Variants in UBE2T observed in about 807,000 individuals in gnomAD.
UBE2T encodes ubiquitin conjugating enzyme E2 T.
Under a neutral mutation model 23.3 loss-of-function variants are expected in UBE2T, and 15 were observed. The observed-to-expected ratio is 0.64, with a 90% CI of 0.43 to 0.99. The LOEUF (loss-of-function observed/expected upper bound fraction) is 0.99. UBE2T is among the 50% of genes least tolerant of loss of function. The pLI is 0.00. For missense variants in UBE2T, 197 were observed against 234.9 expected, an observed-to-expected ratio of 0.84 and a Z score of 1.05; for synonymous variants, 67 against 78.4, an observed-to-expected ratio of 0.85 and a Z score of 0.77.
chr1:202,337,244 A>G (rs1358402868), intron 1 of UBE2T, among the ~76,000 whole-genome samples: 1 of 152,020 alleles, frequency 6.6e-6, no homozygotes, highest in Non-Finnish European at 1.5e-5. Flanking sequence ...CCCAGCCAAC[A>G]CCAATCCTTT....
At position 202,341,910 on chromosome 1, in the gene UBE2T, T is replaced by G. The variant is rs1050861847; in HGVS notation, c.-80A>C. On this transcript the variant is annotated 5_prime_UTR_variant, in exon 1 of 7. Coordinates refer to ENST00000646651, the MANE Select transcript of UBE2T (RefSeq NM_014176.4). ...CCTTGCTTACCTGAGCTGACACCCC[T>G]CACAACGCAGCAACGCGCGGACCAA... is the stretch of plus-strand genomic sequence containing the variant. The G allele has an allele frequency of 1.3e-5, 2 of 152,268 alleles. No individual in the cohort carries two copies. The highest frequency in any genetic ancestry group is 6.5e-5 in the Admixed American group (1 of 15,284). 9.4% of individuals were successfully genotyped at this position (152,268 alleles called of 1,614,324 possible). A position where few individuals can be genotyped will look rare whatever the true frequency, so the allele number is the denominator to read the frequency against.
In UBE2T at chr1:202,331,792, T is replaced by G. The variant is rs756900452; in HGVS notation, c.*43A>C. On this transcript the variant is annotated 3_prime_UTR_variant, in exon 7 of 7. Transcript: ENST00000646651. ...TTCAAGGTAGGCAACTTAGATCACCTTGGCAAAGAACACATTAACTAAGAT... is the reference window on the plus strand; with the variant it reads ...TTCAAGGTAGGCAACTTAGATCACCGTGGCAAAGAACACATTAACTAAGAT... 1 of 1,608,828 alleles carries G rather than the reference T, an allele frequency of 6.2e-7. No homozygotes were observed. Among genetic ancestry groups the G allele is most frequent in the South Asian group, 1.1e-5 (1 of 90,366 alleles).
In UBE2T at chr1:202,335,598, T is replaced by G; in HGVS notation, c.109+48A>C. 1 of 1,566,774 alleles carries G rather than the reference T, an allele frequency of 6.4e-7. No homozygotes were observed. On this transcript the variant is annotated intron_variant, in intron 2 of 6. Transcript: ENST00000646651. This position sits in a 1 kb window ranked among gnomAD's most constrained non-coding sequence, Gnocchi z 4.0. Reference sequence around the variant, plus strand: ...CACAAAATGTTTTATTTCAGCACAATCTTCAATAGGGTCATGACTTTCATC... The same window carrying G: ...CACAAAATGTTTTATTTCAGCACAAGCTTCAATAGGGTCATGACTTTCATC...
chr1:202,335,378 G>T lies in UBE2T; in HGVS notation c.109+268C>A, dbSNP rs1654857555. The stretch of plus-strand genomic sequence containing the variant: ...TGTATGTTTCCCATCTGGCCTCACA[G>T]ATATTTGAGATGGTTATCTTTGATC... On this transcript the variant is annotated intron_variant, in intron 2 of 6. Transcript: ENST00000646651. This position sits in a 1 kb window ranked among gnomAD's most constrained non-coding sequence, Gnocchi z 4.0. 3.7e-6 allele frequency: 2 copies of T among 536,832 alleles called. No homozygotes were observed. Among genetic ancestry groups the T allele is most frequent in the Non-Finnish European group, 6.6e-6 (2 of 301,446 alleles). The allele number at this position is 536,832 out of a possible 1,614,324, so 33.3% of individuals were successfully genotyped here.
At position 202,331,724 on chromosome 1, in the gene UBE2T, AAACTACACAAAAATTATGTCATC is replaced by A; in HGVS notation, c.*88_*110del. 1 of 1,343,620 alleles carries A rather than the reference AAACTACACAAAAATTATGTCATC, an allele frequency of 7.4e-7. No homozygotes were observed. The allele number at this position is 1,343,620 out of a possible 1,614,324, so 83.2% of individuals were successfully genotyped here. Reference sequence around the variant, plus strand: ...CAAAATACATATGTACAAGATAAATAAACTACACAAAAATTATGTCATCAAATATATTTAAAAAAAAATTCAAG... The same window carrying A: ...CAAAATACATATGTACAAGATAAATAAAATATATTTAAAAAAAAATTCAAG... On this transcript the variant is annotated 3_prime_UTR_variant, in exon 7 of 7. Transcript: ENST00000646651.
At chr1:202,333,742 C>T (rs1452097625) in intron 3 of UBE2T, among the ~76,000 whole-genome samples, 187 bp from the exon 4 acceptor site, 1 of 152,152 alleles carries the variant, frequency 6.6e-6, no homozygotes, top group Non-Finnish European at 1.5e-5. Flanking sequence ...TTTGAAATAA[C>T]AGTATTGAAA....
In UBE2T at chr1:202,333,058, G is replaced by A; in HGVS notation, c.420C>T (p.Leu140=). Residue 140 remains leucine, a synonymous_variant, in exon 6 of 7, where the codon CTC becomes CTT. Transcript: ENST00000646651. ...SEFKYNKPAF[L]KNARQWTEKH... ...TCTCTGTCCACTGTCTGGCATTCTT[G>A]AGGAAGGCTGGCTTATTATATTTAA... 1 of 1,612,674 alleles carries A rather than the reference G, an allele frequency of 6.2e-7. No individual in the cohort carries two copies. Among genetic ancestry groups the A allele is most frequent in the Non-Finnish European group, 8.5e-7 (1 of 1,179,780 alleles).
In UBE2T at chr1:202,335,744, G is replaced by A. The variant is rs912407716; in HGVS notation, c.11C>T (p.Ala4Val). MQR[A>V]SRLKRELHML... ...GTGCAGCTCTCTCTTCAGACGTGAA[G>A]CTCTCTGCATGATCCCCAAGTAGAA... is the stretch of plus-strand genomic sequence containing the variant. The change falls in exon 2 of 7, where the codon GCT (alanine) becomes GTT (valine). Residue 4 changes from alanine to valine, a missense_variant. By Grantham distance (64) the Ala-to-Val change is moderately conservative (BLOSUM62 0). Transcript: ENST00000646651. This position sits in a 1 kb window ranked among gnomAD's most constrained non-coding sequence, Gnocchi z 4.0. 2 of 1,614,012 alleles carry A rather than the reference G, an allele frequency of 1.2e-6. No homozygotes were observed. The highest frequency in any genetic ancestry group is 3.3e-5 in the Admixed American group (2 of 60,000).
chr1:202,337,192 C>G (rs1378243042), intron 1 of UBE2T, among the ~76,000 whole-genome samples: 1 of 152,138 alleles, frequency 6.6e-6, no homozygotes, highest in East Asian at 1.9e-4. Context: ...CCACCCACCT[C>G]AGCCTCCCAA....
In UBE2T at chr1:202,335,030, A is replaced by G; in HGVS notation, c.138T>C (p.Tyr46=). ...AQILGGANTP[Y]EKGVFKLEVI... Reference sequence around the variant, plus strand: ...CTTCTAGCTTAAAAACACCTTTCTCATAAGGTGTGTTGGCTCCACCTAATA... The same window carrying G: ...CTTCTAGCTTAAAAACACCTTTCTCGTAAGGTGTGTTGGCTCCACCTAATA... Residue 46 remains tyrosine (Y), a synonymous_variant, in exon 3 of 7, where the codon TAT becomes TAC. Transcript: ENST00000646651. The surrounding 1 kb of genome is among the most constrained non-coding windows in gnomAD (Gnocchi z 4.0). 1.2e-6 allele frequency: 2 copies of G among 1,612,530 alleles called. No homozygotes were observed. Among genetic ancestry groups the G allele is most frequent in the Non-Finnish European group, 1.7e-6 (2 of 1,179,196 alleles).
In UBE2T at chr1:202,333,015, G is replaced by A; in HGVS notation, c.463C>T (p.Gln155Ter). 6.5e-7 allele frequency: 1 copy of A among 1,548,372 alleles called. No homozygotes were observed. Among genetic ancestry groups the A allele is most frequent in the Admixed American group, 1.8e-5 (1 of 56,004 alleles). The change falls in exon 6 of 7, where the codon CAA (glutamine) becomes TAA (stop). Residue 155 changes from glutamine (Q) to a stop codon, truncating the protein, a stop_gained. Transcript: ENST00000646651. LOFTEE classifies it low-confidence loss of function (END_TRUNC). ...QWTEKHARQK[Q>*]KADEEEMLDN... is the part of the protein sequence containing the mutation. ...AATAGTAGCAAACATTATACCTTTT[G>A]TTTCTGTCTTGCATGCTTCTCTGTC...
In UBE2T at chr1:202,332,993, A is replaced by G. The variant is rs747145774; in HGVS notation, c.468+17T>C. The G allele has an allele frequency of 1.3e-6, 2 of 1,575,278 alleles. No homozygotes were observed. The highest frequency in any genetic ancestry group is 2.2e-5 in the South Asian group (2 of 90,170). The stretch of plus-strand genomic sequence containing the variant: ...TATATATACTTAATTAACTGACAAT[A>G]GTAGCAAACATTATACCTTTTGTTT... On this transcript the variant is annotated intron_variant, in intron 6 of 6. Coordinates refer to ENST00000646651, the MANE Select transcript of UBE2T (RefSeq NM_014176.4).
At chr1:202,337,201 A>G (rs543414378) in intron 1 of UBE2T, among the ~76,000 whole-genome samples, 1 of 152,254 alleles carries the variant, frequency 6.6e-6, no homozygotes, top group East Asian at 1.9e-4. Flanking sequence ...TCAGCCTCCC[A>G]AAGTGCTAGG....
intron 6 of UBE2T, among the ~76,000 whole-genome samples, chr1:202,332,364 T>C (rs1234274019): frequency 6.6e-6 from 1 of 152,144 alleles, no homozygotes; most frequent in Non-Finnish European, 1.5e-5. Flanking sequence ...TTCTTCTCAG[T>C]GTTAAAAGGA....
Position 202,331,691 on chromosome 1 carries a change from A to G in UBE2T, c.*144T>C, listed in dbSNP as rs1324814811. The stretch of plus-strand genomic sequence containing the variant: ...AATGACTATTTATTTTTCAGGTTTA[A>G]AAGATTTCAAAATACATATGTACAA... On this transcript the variant is annotated 3_prime_UTR_variant, in exon 7 of 7. Transcript: ENST00000646651. The G allele has an allele frequency of 1.9e-6, 2 of 1,048,750 alleles. No individual in the cohort carries two copies. Among genetic ancestry groups the G allele is most frequent in the African/African-American group, 1.6e-5 (1 of 61,680 alleles). The allele number at this position is 1,048,750 out of a possible 1,614,324, so 65.0% of individuals were successfully genotyped here. A position where few individuals can be genotyped will look rare whatever the true frequency, so the allele number is the denominator to read the frequency against.
chr1:202,337,232 C>T (rs988813782), intron 1 of UBE2T, among the ~76,000 whole-genome samples: 8 of 152,168 alleles, frequency 5.3e-5, no homozygotes, highest in African/African-American at 1.4e-4. Flanking sequence ...TGAGCCACCG[C>T]GCCCAGCCAA....
At chr1:202,332,989 C>T in intron 6 of UBE2T, 21 bp downstream of exon 6, 2 of 1,452,326 alleles carry the variant, frequency 1.4e-6, no homozygotes. Context: ...AATTAACTGA[C>T]AATAGTAGCA....
At chr1:202,337,489 T>C (rs1480233417) in intron 1 of UBE2T, among the ~76,000 whole-genome samples, 1 of 152,228 alleles carries the variant, frequency 6.6e-6, no homozygotes, top group Non-Finnish European at 1.5e-5. Flanking sequence ...AATTGAATTT[T>C]ATGTATAGTG....
intron 3 of UBE2T, 82 bp downstream of exon 3, chr1:202,334,907 A>G (rs190402604): frequency 1.5e-6 from 2 of 1,313,326 alleles, no homozygotes; most frequent in Non-Finnish European, 2.1e-6. Flanking sequence ...CTAGTCCTTT[A>G]TGCTCTATCT....
Sources: gnomAD v4.1 joint callset for allele counts (sites outside exome capture counted in the v4.1 genomes callset) on GRCh38, gnomAD v4.1.1 for gene constraint, Gnocchi (gnomAD v3.1) non-coding constraint, MANE v1.5 for transcripts, NCBI Gene and HGNC (gene_info 2026-07-23, HGNC 2026-07-21) for gene names.